The following HDAC5 variants were observed in gnomAD, a reference collection of about 807,000 sequenced individuals.
The protein encoded by HDAC5 is antigen NY-CO-9.
HDAC5 carries 25 observed loss-of-function variants against 133.3 expected under a neutral mutation model. The ratio of observed to expected loss-of-function variants is 0.19; its 90% CI spans 0.14 to 0.26. The LOEUF (loss-of-function observed/expected upper bound fraction) is 0.26. Among genes scored for constraint, HDAC5 ranks in the 10% least tolerant of loss-of-function variants. The pLI is 1.00. For missense variants in HDAC5, 1,041 were observed against 1,460.5 expected, an observed-to-expected ratio of 0.71 and a Z score of 4.68; for synonymous variants, 589 against 610.8, an observed-to-expected ratio of 0.96 and a Z score of 0.53.
At chr17:44,108,855 G>A (rs952365317) in intron 3 of HDAC5, among the ~76,000 whole-genome samples, 1 of 151,900 alleles carries the variant, frequency 6.6e-6, no homozygotes, top group African/African-American at 2.4e-5. Flanking sequence ...GCTGCGCAGG[G>A]GGAACATTCT....
intron 13 of HDAC5, 125 bp downstream of exon 13, chr17:44,087,287 C>A: frequency 1.6e-6 from 1 of 644,576 alleles, no homozygotes; most frequent in Non-Finnish European, 2.8e-6. Flanking sequence ...TTGCTCTCTA[C>A]AGAAAGCTGC....
intron 3 of HDAC5, among the ~76,000 whole-genome samples, chr17:44,102,666 T>TA (rs1377902477): frequency 1.2e-4 from 12 of 101,004 alleles, no homozygotes; most frequent in Non-Finnish European, 2.0e-4. Context: ...CCAGGTTCTC[T>TA]CTTTTTTTTT....
intron 3 of HDAC5, among the ~76,000 whole-genome samples, chr17:44,106,744 C>T (rs1171015255): frequency 2.0e-5 from 3 of 152,012 alleles, no homozygotes; most frequent in East Asian, 1.9e-4. Context: ...GCATGCACCA[C>T]GTCGGCTAAT....
At chr17:44,084,962 T>G in intron 15 of HDAC5, 60 bp downstream of exon 15, 1 of 1,542,248 alleles carries the variant, frequency 6.5e-7, no homozygotes. Context: ...GAGGCTTATC[T>G]AACAGGGAAA....
chr17:44,106,175 C>G (rs1318443033), intron 3 of HDAC5, among the ~76,000 whole-genome samples: 1 of 152,022 alleles, frequency 6.6e-6, no homozygotes, highest in South Asian at 2.1e-4. Context: ...AGCTGAGGGT[C>G]TCAAAAACAA....
intron 13 of HDAC5, 40 bp downstream of exon 13, chr17:44,087,372 G>A (rs1255545494): frequency 1.3e-6 from 1 of 745,660 alleles, no homozygotes. Flanking sequence ...GAAGGACAGA[G>A]GGGTGGTGAC....
chr17:44,098,379 G>A (rs983651116), intron 3 of HDAC5, among the ~76,000 whole-genome samples: 6 of 152,164 alleles, frequency 3.9e-5, no homozygotes, highest in African/African-American at 1.4e-4. Context: ...GGGAACCTCT[G>A]GGAAAAGAAG....
At chr17:44,108,680 C>G (rs1429279909) in intron 3 of HDAC5, among the ~76,000 whole-genome samples, 1 of 144,894 alleles carries the variant, frequency 6.9e-6, no homozygotes, top group Non-Finnish European at 1.5e-5. Flanking sequence ...CCGTGTTTAT[C>G]CGGGGTGGAT....
At chr17:44,107,902 C>G (rs1257490110) in intron 3 of HDAC5, among the ~76,000 whole-genome samples, 1 of 152,138 alleles carries the variant, frequency 6.6e-6, no homozygotes, top group Non-Finnish European at 1.5e-5. Flanking sequence ...CTCCTCCATG[C>G]CATCTCATAA....
intron 2 of HDAC5, among the ~76,000 whole-genome samples, chr17:44,114,942 G>A (rs1378688904): frequency 6.6e-6 from 1 of 152,162 alleles, no homozygotes; most frequent in Non-Finnish European, 1.5e-5. Context: ...AAAGTCAAAG[G>A]CTGGTAGGCA....
In HDAC5 at chr17:44,089,337, G is replaced by A. The variant is rs182606960; in HGVS notation, c.1388-739C>T. 8.0e-4 allele frequency among the ~76,000 whole-genome samples: 122 copies of A among 152,128 alleles called. 1 individual carries two copies. The highest frequency in any genetic ancestry group is 2.1e-3 in the African/African-American group (87 of 41,512). ...AAGACCAACCTGGGCAGCTGGGTGC[G>A]GTGGCTCACACCCGTAATCCCAGCG... is the stretch of plus-strand genomic sequence containing the variant. On this transcript the variant is annotated intron_variant, in intron 11 of 26. Coordinates refer to ENST00000682912, the MANE Select transcript of HDAC5 (RefSeq NM_005474.5).
chr17:44,080,995 AGGCTGAG>A, intron 20 of HDAC5, 113 bp from the exon 21 acceptor site: 1 of 1,434,080 alleles, frequency 7.0e-7, no homozygotes, highest in Non-Finnish European at 9.6e-7. Flanking sequence ...GCATTTTGGG[AGGCTGAG>A]GGCTGGGAGG....
Position 44,093,216 on chromosome 17 carries a change from AGG to A in HDAC5, c.527-12_527-11del. 6.2e-7 allele frequency: 1 copy of A among 1,602,464 alleles called. No homozygotes were observed. Among genetic ancestry groups the A allele is most frequent in the Non-Finnish European group, 8.5e-7 (1 of 1,172,370 alleles). Reference sequence around the variant, plus strand: ...GTGCTGGCAATGGCACCTGCAGGACAGGGCACAACTGACCTGGCTGCTTGGGG... The same window carrying A: ...GTGCTGGCAATGGCACCTGCAGGACAGCACAACTGACCTGGCTGCTTGGGG... On this transcript the variant is annotated splice_polypyrimidine_tract_variant and intron_variant, in intron 5 of 26. Transcript: ENST00000682912.
chr17:44,080,960 A>G (rs908968881), intron 20 of HDAC5, 78 bp from the exon 21 acceptor site: 9 of 1,582,218 alleles, frequency 5.7e-6, no homozygotes, highest in Non-Finnish European at 7.8e-6. Flanking sequence ...TCAGCTGAGC[A>G]CTGTAGCTCA....
At chr17:44,087,104 C>G (rs979644289) in intron 13 of HDAC5, among the ~76,000 whole-genome samples, 1 of 151,570 alleles carries the variant, frequency 6.6e-6, no homozygotes, top group African/African-American at 2.4e-5. Flanking sequence ...TGTGTGTACA[C>G]ACACGCACAG....
In HDAC5 at chr17:44,078,622, G is replaced by A; in HGVS notation, c.3207C>T (p.Gly1069=). 4 of 1,606,874 alleles carry A rather than the reference G, an allele frequency of 2.5e-6. No individual in the cohort carries two copies. The highest frequency in any genetic ancestry group is 2.2e-5 in the East Asian group (1 of 44,862). Residue 1069 remains glycine, a synonymous_variant, in exon 26 of 27, where the codon GGC becomes GGT. Transcript: ENST00000682912. The stretch of plus-strand genomic sequence containing the variant: ...CTGCTTGGGCCTCTCGCAGGGACCG[G>A]CCCAGACCAGCGGCGAACTTCTGCA... The part of the protein sequence containing the change: ...SCVQKFAAGL[G]RSLREAQAGE...
intron 20 of HDAC5, 115 bp downstream of exon 20, chr17:44,082,470 A>G: frequency 1.3e-6 from 1 of 793,066 alleles, no homozygotes; most frequent in South Asian, 1.5e-5. Context: ...CCAGCACCCG[A>G]GGATGAGGAC....
chr17:44,110,484 G>A (rs190605926), intron 3 of HDAC5, among the ~76,000 whole-genome samples: 46 of 152,336 alleles, frequency 3.0e-4, no homozygotes, highest in African/African-American at 1.1e-3. Flanking sequence ...GACCCTGCCA[G>A]AGACTGAAGG....
chr17:44,091,731 G>A lies in HDAC5; in HGVS notation c.1133C>T (p.Ala378Val). 1 of 1,588,372 alleles carries A rather than the reference G, an allele frequency of 6.3e-7. No homozygotes were observed. The highest frequency in any genetic ancestry group is 8.6e-7 in the Non-Finnish European group (1 of 1,167,804). ...GTGTGAGTTGGTGACAGTGACCGTG[G>A]CCTGCAGCCCTAGGGAGATGTTGGG... is the stretch of plus-strand genomic sequence containing the variant. ...SLPNISLGLQATVTVTNSHLT... is the reference protein window; with the variant it reads ...SLPNISLGLQVTVTVTNSHLT... The change falls in exon 10 of 27, where the codon GCC becomes GTC. Residue 378 changes from alanine (A) to valine (V), a missense_variant. By Grantham distance (64) the Ala-to-Val change is moderately conservative (BLOSUM62 0). Transcript: ENST00000682912.
Sources: gnomAD v4.1 joint callset for allele counts (sites outside exome capture counted in the v4.1 genomes callset) on GRCh38, gnomAD v4.1.1 for gene constraint, MANE v1.5 for transcripts, NCBI Gene and HGNC (gene_info 2026-07-23, HGNC 2026-07-21) for gene names.